The following PLEKHA8 variants were observed in gnomAD, a reference collection of about 807,000 sequenced individuals.
PLEKHA8 encodes pleckstrin homology domain-containing family A member 8.
Under a neutral mutation model 68.2 loss-of-function variants are expected in PLEKHA8, and 36 were observed. The ratio of observed to expected loss-of-function variants is 0.53; its 90% CI spans 0.40 to 0.70. The LOEUF is 0.70. Ranked by LOEUF, PLEKHA8 falls within the 30% of genes least tolerant of loss-of-function variation. The pLI, the probability that PLEKHA8 is intolerant of heterozygous loss-of-function variation, is 0.00. For synonymous variants in PLEKHA8, 211 were observed against 216.1 expected (o/e 0.98, Z 0.20); for missense variants, 505 against 615.4 (o/e 0.82, Z 1.90).
chr7:30,036,590 A>C (rs1791117324), intron 1 of PLEKHA8, among the ~76,000 whole-genome samples: 1 of 152,190 alleles, frequency 6.6e-6, no homozygotes, highest in Non-Finnish European at 1.5e-5. Flanking sequence ...GGTAGGACAT[A>C]TGAGAAGCAC....
intron 9 of PLEKHA8, among the ~76,000 whole-genome samples, chr7:30,058,041 A>G (rs918411331): frequency 1.5e-4 from 23 of 152,142 alleles, no homozygotes; most frequent in Admixed American, 1.4e-3. Context: ...TTGCATTTCC[A>G]TGATGACTAA....
At chr7:30,050,674 GAAGATGTTGGCA>G in intron 6 of PLEKHA8, 200 bp downstream of exon 6, 1 of 562,034 alleles carries the variant, frequency 1.8e-6, no homozygotes, top group Non-Finnish European at 2.7e-6. Context: ...CACTAATAGG[GAAGATGTTGGCA>G]TTTTCCCTAA....
Position 30,115,183 on chromosome 7 carries a change from A to G in PLEKHA8, c.1363-14083A>G, listed in dbSNP as rs78606343. ...TAATTTTTGCTGTATTTTGTCAAGC[A>G]TTTTAAGGCAGTATGGCAGGAGAGT... On this transcript the variant is annotated intron_variant, in intron 13 of 13. Coordinates refer to the PLEKHA8 transcript ENST00000396257. Among the ~76,000 whole-genome samples the G allele has an allele frequency of 8.5e-3, 1,295 of 152,270 alleles. 22 individuals carry two copies. Among genetic ancestry groups the G allele is most frequent in the African/African-American group, 0.03 (1,248 of 41,548 alleles).
chr7:30,092,455 G>A (rs1305659664), downstream of PLEKHA8, among the ~76,000 whole-genome samples: 1 of 152,028 alleles, frequency 6.6e-6, no homozygotes, highest in Non-Finnish European at 1.5e-5. Flanking sequence ...AGTCATGTCT[G>A]TATGTGAATG....
chr7:30,044,158 C>T (rs1011384867), intron 1 of PLEKHA8, among the ~76,000 whole-genome samples: 31 of 151,852 alleles, frequency 2.0e-4, no homozygotes, highest in African/African-American at 6.8e-4. Flanking sequence ...AGGCACTTGC[C>T]GCCACGCCCA....
At position 30,083,716 on chromosome 7, in the gene PLEKHA8, A is replaced by G. The variant is rs1047239906; in HGVS notation, c.*4929A>G. On this transcript the variant is annotated 3_prime_UTR_variant, in exon 14 of 14. Transcript: ENST00000449726. Reference sequence around the variant, plus strand: ...TTCCTGTATTAATCACTTCTGTTCCAGAGTGAACAAATGTTTTCAGCTAAG... The same window carrying G: ...TTCCTGTATTAATCACTTCTGTTCCGGAGTGAACAAATGTTTTCAGCTAAG... 4.1e-6 allele frequency: 4 copies of G among 985,220 alleles called. No individual in the cohort carries two copies. In the African/African-American group the frequency reaches 7.0e-5, roughly 17 times the overall value. The allele number at this position is 985,220 out of a possible 1,614,324, so 61.0% of individuals were successfully genotyped here.
chr7:30,099,538 T>C (rs529246744), intron 13 of PLEKHA8, among the ~76,000 whole-genome samples: 2 of 152,320 alleles, frequency 1.3e-5, no homozygotes, highest in South Asian at 4.1e-4. Context: ...GTTGTGTTCC[T>C]TGGCACTCTT....
At position 30,115,675 on chromosome 7, in the gene PLEKHA8, TACGC is replaced by T. The variant is rs532122963; in HGVS notation, c.1363-13588_1363-13585del. Among the ~76,000 whole-genome samples, 237 of 151,286 alleles carry T rather than the reference TACGC, an allele frequency of 1.6e-3. 1 individual carries two copies. Among genetic ancestry groups the T allele is most frequent in the African/African-American group, 5.6e-3 (229 of 41,228 alleles). On this transcript the variant is annotated intron_variant, in intron 13 of 13. Coordinates refer to the PLEKHA8 transcript ENST00000396257. ...ACACATACATGTATACGTGTATACATACGCACATACATGCATACACGTATACATG... is the reference window on the plus strand; with the variant it reads ...ACACATACATGTATACGTGTATACATACATACATGCATACACGTATACATG...
At chr7:30,127,332 A>G (rs1796789873) in intron 13 of PLEKHA8, among the ~76,000 whole-genome samples, 1 of 152,198 alleles carries the variant, frequency 6.6e-6, no homozygotes, top group Non-Finnish European at 1.5e-5. Flanking sequence ...GAAACTCAAG[A>G]AATTTGGAGG....
At chr7:30,054,271 G>A (rs771765144) in intron 7 of PLEKHA8, among the ~76,000 whole-genome samples, 2 of 152,130 alleles carry the variant, frequency 1.3e-5, no homozygotes, top group Non-Finnish European at 2.9e-5. Context: ...GTCCACAAAT[G>A]TCTGCAAAAG....
intron 9 of PLEKHA8, among the ~76,000 whole-genome samples, chr7:30,060,612 G>C (rs1793363104): frequency 6.6e-6 from 1 of 152,108 alleles, no homozygotes; most frequent in Non-Finnish European, 1.5e-5. Context: ...GGACAGTGCA[G>C]CCCTAAGGAT....
intron 12 of PLEKHA8, among the ~76,000 whole-genome samples, chr7:30,073,564 A>C (rs1004427852): frequency 1.0e-5 from 1 of 96,128 alleles, no homozygotes; most frequent in Non-Finnish European, 2.1e-5. Context: ...TGTGTTTCTT[A>C]AAAAAAAAAA....
At chr7:30,115,461 T>A (rs1197636677) in intron 13 of PLEKHA8, among the ~76,000 whole-genome samples, 1 of 152,038 alleles carries the variant, frequency 6.6e-6, no homozygotes, top group African/African-American at 2.4e-5. Flanking sequence ...TATGTATGCA[T>A]ATGTATACAC....
In PLEKHA8 at chr7:30,057,551, G is replaced by A. The variant is rs184713180; in HGVS notation, c.1039+2209G>A. ...TGGCTCACTGCAACCTCCACCTCCC[G>A]GGTTCAAGTGATTCTCCTGCCCCAG... On this transcript the variant is annotated intron_variant, in intron 9 of 13. Transcript: ENST00000449726. Among the ~76,000 whole-genome samples the A allele has an allele frequency of 6.5e-4, 98 of 151,502 alleles. 2 individuals carry two copies. Among genetic ancestry groups the A allele is most frequent in the African/African-American group, 2.1e-3 (87 of 41,298 alleles).
intron 3 of PLEKHA8, among the ~76,000 whole-genome samples, chr7:30,046,970 A>G (rs1250611731): frequency 6.6e-6 from 1 of 152,232 alleles, no homozygotes; most frequent in Non-Finnish European, 1.5e-5. Flanking sequence ...CAAGAATACC[A>G]GGGCTTACTG....
chr7:30,078,110 A>G (rs998076281), intron 13 of PLEKHA8, among the ~76,000 whole-genome samples: 1 of 152,224 alleles, frequency 6.6e-6, no homozygotes, highest in Non-Finnish European at 1.5e-5. Flanking sequence ...TCAAGAGTGC[A>G]AAGGAAAGAT....
chr7:30,125,050 T>A (rs1367773679), intron 13 of PLEKHA8, among the ~76,000 whole-genome samples: 1 of 152,162 alleles, frequency 6.6e-6, no homozygotes, highest in African/African-American at 2.4e-5. Context: ...TCCCTATTTT[T>A]AAATGTACAG....
At chr7:30,050,407 AC>A in intron 5 of PLEKHA8, 26 bp from the exon 6 acceptor site, 1 of 1,559,900 alleles carries the variant, frequency 6.4e-7, no homozygotes, top group Non-Finnish European at 8.7e-7. Flanking sequence ...TAACATGTGA[AC>A]TTTCCTTTCT....
intron 1 of PLEKHA8, 37 bp from the exon 2 acceptor site, chr7:30,045,048 G>C (rs548553063): frequency 7.0e-7 from 1 of 1,420,976 alleles, no homozygotes; most frequent in Non-Finnish European, 9.8e-7. Context: ...TCATACACAG[G>C]CAGTAATTGC....
Sources: allele counts gnomAD v4.1 joint callset (sites outside exome capture counted in the v4.1 genomes callset), GRCh38; gene constraint gnomAD v4.1.1; transcripts MANE v1.5; gene names NCBI Gene and HGNC (gene_info 2026-07-23, HGNC 2026-07-21).